HNMT: variants seen among roughly 807,000 people sequenced by gnomAD.
HNMT encodes histamine N-methyltransferase.
Under a neutral mutation model 32.1 loss-of-function variants are expected in HNMT, and 30 were observed. The ratio of observed to expected loss-of-function variants is 0.93; its 90% CI spans 0.70 to 1.27. The LOEUF is 1.27. Among genes scored for constraint, HNMT ranks in the 50% most tolerant of loss-of-function variants. The pLI, the probability that HNMT is intolerant of heterozygous loss-of-function variation, is 0.00. For missense variants in HNMT, 327 were observed against 346.0 expected (o/e 0.95, Z 0.43); for synonymous variants, 125 against 119.0 (o/e 1.05, Z -0.33).
chr2:137,973,632 T>C (rs1206154857), intron 2 of HNMT, among the ~76,000 whole-genome samples: 2 of 152,228 alleles, frequency 1.3e-5, no homozygotes, highest in East Asian at 3.8e-4. Flanking sequence ...GATAGGCACA[T>C]GGCTTTGGTG....
intron 2 of HNMT, among the ~76,000 whole-genome samples, chr2:137,980,325 C>T (rs778278823): frequency 1.3e-5 from 2 of 152,198 alleles, no homozygotes; most frequent in African/African-American, 2.4e-5. Flanking sequence ...GCGTGAGCCA[C>T]CATGCCCGGT....
intron 2 of HNMT, among the ~76,000 whole-genome samples, chr2:137,987,097 G>A (rs1680672111): frequency 6.6e-6 from 1 of 152,172 alleles, no homozygotes. Flanking sequence ...AGAAAATGCT[G>A]TAGCCTTTGT....
At chr2:137,996,418 A>C (rs1315320520) in intron 2 of HNMT, among the ~76,000 whole-genome samples, 10 of 152,204 alleles carry the variant, frequency 6.6e-5, no homozygotes, top group Non-Finnish European at 1.3e-4. Context: ...ACTCCAAATC[A>C]CAGTTGCTAC....
intron 4 of HNMT, among the ~76,000 whole-genome samples, chr2:138,003,557 T>C (rs965619362): frequency 5.3e-5 from 8 of 152,098 alleles, no homozygotes; most frequent in African/African-American, 1.9e-4. Flanking sequence ...AGGTAGTACT[T>C]ATCACTGTCC....
In HNMT at chr2:138,014,082, G is replaced by A; in HGVS notation, c.831G>A (p.Gly277=). The change falls in exon 6 of 6, where the codon GGG becomes GGA. Residue 277 remains glycine, a synonymous_variant. Coordinates refer to ENST00000280097, the MANE Select transcript of HNMT (RefSeq NM_006895.3). ...QEPEFSAKKE[G]KVLFNNTLSF... is the part of the protein sequence containing the mutation. The stretch of plus-strand genomic sequence containing the variant: ...CTGAATTTAGTGCTAAGAAAGAGGG[G>A]AAGGTTCTTTTTAATAATACTCTGA... 1 of 1,607,874 alleles carries A rather than the reference G, an allele frequency of 6.2e-7. No individual in the cohort carries two copies. The highest frequency in any genetic ancestry group is 1.1e-5 in the South Asian group (1 of 90,716).
At chr2:137,978,201 T>C (rs1235100677) in intron 2 of HNMT, among the ~76,000 whole-genome samples, 1 of 151,678 alleles carries the variant, frequency 6.6e-6, no homozygotes, top group Admixed American at 6.6e-5. Flanking sequence ...TTCAGTCTCC[T>C]CACAATACCA....
chr2:137,989,399 C>T (rs1680750654), intron 2 of HNMT, among the ~76,000 whole-genome samples: 1 of 152,180 alleles, frequency 6.6e-6, no homozygotes, highest in Admixed American at 6.5e-5. Flanking sequence ...CTTTTCATGG[C>T]TTAGTAACTC....
At chr2:137,990,732 T>C (rs12991332) in intron 2 of HNMT, among the ~76,000 whole-genome samples, 28,360 of 152,080 alleles carry the variant, frequency 0.19, 3,225 homozygotes, top group Admixed American at 0.28. Flanking sequence ...TATGTATATG[T>C]TCTGAGGGAA....
intron 1 of HNMT, among the ~76,000 whole-genome samples, chr2:137,968,220 ATTG>A (rs767853638): frequency 6.6e-6 from 1 of 152,308 alleles, no homozygotes; most frequent in Admixed American, 6.5e-5. Context: ...AAAGTTGGTT[ATTG>A]TTGTTGCATA....
intron 4 of HNMT, 26 bp from the exon 5 acceptor site, chr2:138,005,106 T>A (rs1356222610): frequency 1.6e-6 from 2 of 1,249,198 alleles, no homozygotes. Flanking sequence ...CAGAAGCAGC[T>A]CATTTCTCTT....
intron 2 of HNMT, among the ~76,000 whole-genome samples, chr2:137,974,901 A>T (rs1680242430): frequency 6.6e-6 from 1 of 152,156 alleles, no homozygotes; most frequent in African/African-American, 2.4e-5. Flanking sequence ...GACCAGTTTG[A>T]TGGGTCTCCT....
At chr2:138,013,731 A>G in intron 5 of HNMT, 44 bp from the exon 6 acceptor site, 2 of 1,485,724 alleles carry the variant, frequency 1.3e-6, no homozygotes, top group South Asian at 1.2e-5. Context: ...ACTGCAAATG[A>G]AAGAAAGAAT....
Position 138,014,311 on chromosome 2 carries a change from GTCTTA to G in HNMT, c.*184_*188del. The G allele has an allele frequency of 2.0e-6, 1 of 505,996 alleles. No homozygotes were observed. Among genetic ancestry groups the G allele is most frequent in the South Asian group, 3.8e-5 (1 of 26,204 alleles). The allele number at this position is 505,996 out of a possible 1,614,324, so 31.3% of individuals were successfully genotyped here. A position where few individuals can be genotyped will look rare whatever the true frequency, so the allele number is the denominator to read the frequency against. On this transcript the variant is annotated 3_prime_UTR_variant, in exon 6 of 6. Transcript: ENST00000280097. ...TTTGGAATCATATGGGATACTGCTG[GTCTTA>G]TCCTGTCCCTCCTCCAGGTAGAGAG...
chr2:138,010,478 CACACAG>C lies in HNMT; in HGVS notation c.524-3296_524-3291del, dbSNP rs370620222. Among the ~76,000 whole-genome samples the C allele has an allele frequency of 6.7e-3, 970 of 144,336 alleles. 4 individuals carry two copies. The highest frequency in any genetic ancestry group is 0.026 in the East Asian group (129 of 4,908). The allele number at this position is 144,336 out of a possible 152,430, so 94.7% of individuals were successfully genotyped here. A position where few individuals can be genotyped will look rare whatever the true frequency, so the allele number is the denominator to read the frequency against. ...ACACACACACACACACACACACACA[CACACAG>C]CAAATGGAAGCAGCCAGACAAAAGC... On this transcript the variant is annotated intron_variant, in intron 5 of 5. Coordinates refer to ENST00000280097, the MANE Select transcript of HNMT (RefSeq NM_006895.3).
At chr2:138,010,814 C>T (rs1401765153) in intron 5 of HNMT, among the ~76,000 whole-genome samples, 1 of 151,734 alleles carries the variant, frequency 6.6e-6, no homozygotes, top group African/African-American at 2.4e-5. Context: ...TGGAGTATCC[C>T]ACACTAAAAT....
rs1680814826 is a variant in HNMT, at chr2:137,991,562, A to G, written c.191-9356A>G. 2.0e-5 allele frequency among the ~76,000 whole-genome samples: 3 copies of G among 152,214 alleles called. No homozygotes were observed. The South Asian group carries it at 6.2e-4, about 32-fold the overall frequency. On this transcript the variant is annotated intron_variant, in intron 2 of 5. Transcript: ENST00000280097. ...GAGGCCAAAAGCACCATAAAATTAT[A>G]ATAAAAGACTATTAACAAGGGCTAT... is the stretch of plus-strand genomic sequence containing the variant.
chr2:137,990,453 C>G (rs953026059), intron 2 of HNMT, among the ~76,000 whole-genome samples: 4 of 152,064 alleles, frequency 2.6e-5, no homozygotes, highest in African/African-American at 9.7e-5. Context: ...TCTGTCTATT[C>G]TTTTGCCATT....
intron 5 of HNMT, among the ~76,000 whole-genome samples, chr2:138,012,936 C>T (rs1455101894): frequency 1.3e-5 from 2 of 152,118 alleles, no homozygotes; most frequent in Admixed American, 6.6e-5. Flanking sequence ...AGCCTTCTCG[C>T]TGTTCTCCCC....
In HNMT at chr2:137,964,473, CT is replaced by C; in HGVS notation, c.-16del. On this transcript the variant is annotated 5_prime_UTR_variant, in exon 1 of 6. Transcript: ENST00000280097. The stretch of plus-strand genomic sequence containing the variant: ...ACTTAAACCTTGCTTCCTGCTCTGT[CT>C]TTCTCAGAAAACCAAATATGGCATC... 1 of 1,609,154 alleles carries C rather than the reference CT, an allele frequency of 6.2e-7. No individual in the cohort carries two copies. Among genetic ancestry groups the C allele is most frequent in the Non-Finnish European group, 8.5e-7 (1 of 1,177,572 alleles).
Sources: gnomAD v4.1 joint callset for allele counts (sites outside exome capture counted in the v4.1 genomes callset) on GRCh38, gnomAD v4.1.1 for gene constraint, MANE v1.5 for transcripts, NCBI Gene and HGNC (gene_info 2026-07-23, HGNC 2026-07-21) for gene names.